The following UPF2 variants were observed in gnomAD, a reference collection of about 807,000 sequenced individuals.
UPF2 encodes the protein UPF2 regulator of nonsense mediated mRNA decay.
A neutral mutation model predicts 141.4 loss-of-function variants in UPF2; 17 were observed. The observed-to-expected ratio is 0.12, with a 90% confidence interval of 0.08 to 0.18. The LOEUF (loss-of-function observed/expected upper bound fraction) is 0.18, where lower values mean the gene tolerates loss of function less well. Among genes scored for constraint, UPF2 ranks in the 10% least tolerant of loss-of-function variants. The pLI, the probability that UPF2 is intolerant of heterozygous loss-of-function variation, is 1.00. For synonymous variants in UPF2, 540 were observed against 498.0 expected (o/e 1.08, Z -1.12); for missense variants, 1,152 against 1,515.9 (o/e 0.76, Z 3.99).
chr10:11,947,322 A>G (rs1187950657), intron 16 of UPF2, among the ~76,000 whole-genome samples: 2 of 152,232 alleles, frequency 1.3e-5, no homozygotes, highest in Non-Finnish European at 2.9e-5. Flanking sequence ...AGTCATAGAT[A>G]CAAAAAGGGT....
chr10:11,940,702 T>G lies in UPF2; in HGVS notation c.3378+1963A>C, dbSNP rs181458584. Among the ~76,000 whole-genome samples, 1 of 152,202 alleles carries G rather than the reference T, an allele frequency of 6.6e-6. No homozygotes were observed. On this transcript the variant is annotated intron_variant, in intron 18 of 21. Coordinates refer to ENST00000357604, the MANE Select transcript of UPF2 (RefSeq NM_015542.4). The surrounding 1 kb of genome is among the most constrained non-coding windows in gnomAD (Gnocchi z 4.2). ...TAGCTCAAATCCAGACTTCTCTCCATGTGCCTTGCCATATGCTAGACAGCT... is the reference window on the plus strand; with the variant it reads ...TAGCTCAAATCCAGACTTCTCTCCAGGTGCCTTGCCATATGCTAGACAGCT...
At chr10:11,972,317 G>C (rs574222744) in intron 9 of UPF2, among the ~76,000 whole-genome samples, 1 of 152,234 alleles carries the variant, frequency 6.6e-6, no homozygotes, top group South Asian at 2.1e-4. Flanking sequence ...ACCTACTGTA[G>C]GCTAAACATA....
chr10:12,028,195 C>T (rs1834454072), intron 3 of UPF2, among the ~76,000 whole-genome samples: 1 of 152,046 alleles, frequency 6.6e-6, no homozygotes, highest in Non-Finnish European at 1.5e-5. Context: ...AAATGAATGC[C>T]CCCAGGAAGA....
chr10:11,948,819 T>C (rs1833037467), intron 15 of UPF2, among the ~76,000 whole-genome samples: 2 of 152,122 alleles, frequency 1.3e-5, no homozygotes, highest in South Asian at 4.1e-4. Context: ...TGGACAAAGG[T>C]AGAAAACAGT....
At chr10:12,009,928 G>C (rs1422908691) in intron 4 of UPF2, among the ~76,000 whole-genome samples, 1 of 152,098 alleles carries the variant, frequency 6.6e-6, no homozygotes, top group Non-Finnish European at 1.5e-5. Context: ...GGTGAGACTG[G>C]GAAAATAACT....
rs930901126 is a variant in UPF2 at position 11,920,519 on chromosome 10, A to T, written c.*779T>A. The T allele has an allele frequency of 6.5e-6, 1 of 153,438 alleles. No homozygotes were observed. The highest frequency in any genetic ancestry group is 2.4e-5 in the African/African-American group (1 of 41,442). The allele number at this position is 153,438 out of a possible 1,614,324, so 9.5% of individuals were successfully genotyped here. ...TGACGGGCATGTTTTGTTTTCAATG[A>T]TACTTACAATGGGCTCACCTAGATC... is the stretch of plus-strand genomic sequence containing the variant. On this transcript the variant is annotated 3_prime_UTR_variant, in exon 22 of 22. Transcript: ENST00000357604.
In UPF2 at chr10:11,956,646, T is replaced by C. The variant is rs2131190522; in HGVS notation, c.2371-123A>G. 1 of 777,586 alleles carries C rather than the reference T, an allele frequency of 1.3e-6. No individual in the cohort carries two copies. The highest frequency in any genetic ancestry group is 2.1e-6 in the Non-Finnish European group (1 of 481,880). The allele number at this position is 777,586 out of a possible 1,614,324, so 48.2% of individuals were successfully genotyped here. Reference sequence around the variant, plus strand: ...GAAATAGAAAATACATTAGAAATCCTCTATCGGCCTCTTCAGAAATAGAAA... The same window carrying C: ...GAAATAGAAAATACATTAGAAATCCCCTATCGGCCTCTTCAGAAATAGAAA... On this transcript the variant is annotated intron_variant, in intron 12 of 21. Coordinates refer to ENST00000357604, the MANE Select transcript of UPF2 (RefSeq NM_015542.4). The surrounding 1 kb of genome is among the most constrained non-coding windows in gnomAD (Gnocchi z 4.2).
chr10:11,969,693 T>C (rs1031146037), intron 9 of UPF2, among the ~76,000 whole-genome samples: 1 of 152,198 alleles, frequency 6.6e-6, no homozygotes, highest in East Asian at 1.9e-4. Flanking sequence ...CTCTTATTAA[T>C]TTACCTTATT....
chr10:12,001,913 A>C (rs768688470), intron 5 of UPF2, 88 bp from the exon 6 acceptor site: 63 of 1,245,834 alleles, frequency 5.1e-5, no homozygotes, highest in Non-Finnish European at 6.7e-5. Flanking sequence ...CAAAATCTGC[A>C]GGTTCTTTTA....
chr10:12,035,504 A>AT, intron 1 of UPF2, 63 bp from the exon 2 acceptor site: 2 of 1,453,060 alleles, frequency 1.4e-6, no homozygotes, highest in Non-Finnish European at 9.0e-7. Context: ...ATATCACACT[A>AT]TTTTTTTAAA....
intron 3 of UPF2, among the ~76,000 whole-genome samples, chr10:12,028,368 T>C (rs953480721): frequency 1.3e-5 from 2 of 152,052 alleles, no homozygotes; most frequent in African/African-American, 2.4e-5. Flanking sequence ...TACAAAACAA[T>C]GAAAGCAAAC....
At chr10:11,922,792 T>C (rs1287108767) in intron 21 of UPF2, among the ~76,000 whole-genome samples, 1 of 151,840 alleles carries the variant, frequency 6.6e-6, no homozygotes, top group East Asian at 1.9e-4. Context: ...AAAAATCTGA[T>C]GAAAAAATGC....
At chr10:12,033,339 T>G (rs1834562501) in intron 2 of UPF2, among the ~76,000 whole-genome samples, 1 of 152,040 alleles carries the variant, frequency 6.6e-6, no homozygotes, top group Non-Finnish European at 1.5e-5. Flanking sequence ...AGTTCAAGAC[T>G]AGCCTGGGCA....
intron 8 of UPF2, among the ~76,000 whole-genome samples, chr10:11,981,059 C>A (rs1564353927): frequency 6.6e-6 from 1 of 151,754 alleles, no homozygotes. Flanking sequence ...TGCGGTGGCA[C>A]CTGCCTGTAA....
At chr10:12,003,838 T>A (rs1833990785) in intron 5 of UPF2, among the ~76,000 whole-genome samples, 1 of 141,126 alleles carries the variant, frequency 7.1e-6, no homozygotes, top group Non-Finnish European at 1.5e-5. Context: ...AGCAGGAGAA[T>A]CACTTGCACC....
chr10:12,006,095 G>A (rs1834030853), intron 4 of UPF2, among the ~76,000 whole-genome samples: 1 of 151,642 alleles, frequency 6.6e-6, no homozygotes, highest in Non-Finnish European at 1.5e-5. Flanking sequence ...GCCTAGGCTG[G>A]TCTCAAACTC....
chr10:12,037,749 G>A (rs1030159074), intron 1 of UPF2, among the ~76,000 whole-genome samples: 2 of 151,820 alleles, frequency 1.3e-5, no homozygotes, highest in South Asian at 4.2e-4. Context: ...TCAAATATAG[G>A]TTTTAAATTA....
At chr10:11,967,577 G>A (rs1248896645) in intron 9 of UPF2, 123 bp from the exon 10 acceptor site, 1 of 546,608 alleles carries the variant, frequency 1.8e-6, no homozygotes, top group East Asian at 4.0e-5. Flanking sequence ...TTGAGACAGA[G>A]TTTCGCTTGT....
chr10:12,030,899 G>A (rs532517340), intron 2 of UPF2, among the ~76,000 whole-genome samples: 2 of 149,260 alleles, frequency 1.3e-5, no homozygotes, highest in African/African-American at 4.9e-5. Context: ...AAAAGGCCAG[G>A]CACGGTGGCT....
Sources: allele counts gnomAD v4.1 joint callset (sites outside exome capture counted in the v4.1 genomes callset), GRCh38; gene constraint gnomAD v4.1.1; non-coding constraint Gnocchi (gnomAD v3.1); transcripts MANE v1.5; gene names NCBI Gene and HGNC (gene_info 2026-07-23, HGNC 2026-07-21).